The following FHL2 variants were observed in gnomAD, a reference collection of about 807,000 sequenced individuals.
The protein encoded by FHL2 is four and a half LIM domains protein 2.
Under a neutral mutation model 32.7 loss-of-function variants are expected in FHL2, and 20 were observed. The observed-to-expected ratio is 0.61, with a 90% CI of 0.43 to 0.89. FHL2 has a LOEUF of 0.89. Among genes scored for constraint, FHL2 ranks in the 40% least tolerant of loss-of-function variants. FHL2 has a pLI of 0.00. For missense variants in FHL2, 311 were observed against 358.6 expected, an observed-to-expected ratio of 0.87 and a Z score of 1.07; for synonymous variants, 123 against 128.1, an observed-to-expected ratio of 0.96 and a Z score of 0.27.
At chr2:105,378,911 G>C (rs1681673116) in intron 3 of FHL2, 1 of 152,194 alleles carries the variant, frequency 6.6e-6, no homozygotes, top group Non-Finnish European at 1.5e-5. Context: ...TGCAGTACAG[G>C]GTGGTGGGCT....
chr2:105,409,347 A>G (rs1339404110), intron 1 of FHL2, among the ~76,000 whole-genome samples: 3 of 152,158 alleles, frequency 2.0e-5, no homozygotes, highest in Non-Finnish European at 4.4e-5. Flanking sequence ...GAATCATTTT[A>G]GAGGAAGAAG....
rs548165695 is a variant in FHL2, at chr2:105,374,128, C to T, written c.157-395G>A. 3.1e-5 allele frequency: 9 copies of T among 291,638 alleles called. 1 individual carries two copies. The highest frequency in any genetic ancestry group is 2.0e-4 in the African/African-American group (9 of 45,906). The allele number at this position is 291,638 out of a possible 1,614,324, so 18.1% of individuals were successfully genotyped here. A position where few individuals can be genotyped will look rare whatever the true frequency, so the allele number is the denominator to read the frequency against. ...GCAGGACATCCTTGGCTGAGGGAGCCCTGCCCAACTCAGATCACTGTGGTC... is the reference window on the plus strand; with the variant it reads ...GCAGGACATCCTTGGCTGAGGGAGCTCTGCCCAACTCAGATCACTGTGGTC... On this transcript the variant is annotated intron_variant, in intron 3 of 6. Coordinates refer to ENST00000530340, the MANE Select transcript of FHL2 (RefSeq NM_001318895.3).
chr2:105,429,764 T>C (rs1029729630), intron 1 of FHL2, among the ~76,000 whole-genome samples: 3 of 152,210 alleles, frequency 2.0e-5, no homozygotes, highest in African/African-American at 7.2e-5. Flanking sequence ...CAGATACTTT[T>C]CTAGGTTTGT....
chr2:105,379,593 GC>G (rs1681731303), intron 3 of FHL2, among the ~76,000 whole-genome samples: 2 of 152,138 alleles, frequency 1.3e-5, no homozygotes, highest in Non-Finnish European at 2.9e-5. Context: ...CATTCCCACT[GC>G]CCTTCCACCT....
At chr2:105,433,271 C>A (rs1684491759) in intron 1 of FHL2, among the ~76,000 whole-genome samples, 1 of 151,224 alleles carries the variant, frequency 6.6e-6, no homozygotes, top group African/African-American at 2.4e-5. Flanking sequence ...ACCTCCACCT[C>A]TCAAGTTCAA....
intron 1 of FHL2, among the ~76,000 whole-genome samples, chr2:105,429,219 G>A (rs971489422): frequency 6.6e-6 from 1 of 152,200 alleles, no homozygotes. Flanking sequence ...TCAAGAAATC[G>A]GCTGGGAGTC....
At chr2:105,424,808 G>A (rs545699332) in intron 1 of FHL2, among the ~76,000 whole-genome samples, 20 of 152,302 alleles carry the variant, frequency 1.3e-4, no homozygotes, top group African/African-American at 3.6e-4. Context: ...ACTCATAAGT[G>A]GGAGTTGAAC....
intron 2 of FHL2, among the ~76,000 whole-genome samples, chr2:105,389,382 C>T (rs1329129353): frequency 6.6e-6 from 1 of 152,208 alleles, no homozygotes. Context: ...TCATTTATTT[C>T]ATCACAATTG....
chr2:105,397,021 T>G (rs538379634), intron 1 of FHL2: 2,756 of 233,850 alleles, frequency 0.012, 82 homozygotes, highest in African/African-American at 0.056. Context: ...TTTTTTTTTT[T>G]TTTTTTTTTT....
intron 1 of FHL2, among the ~76,000 whole-genome samples, chr2:105,437,893 A>T (rs1452787892): frequency 6.6e-6 from 1 of 152,210 alleles, no homozygotes. Flanking sequence ...TTGCATAAAC[A>T]CACTTTCCCA....
At chr2:105,369,696 C>A (rs986068193) in intron 4 of FHL2, among the ~76,000 whole-genome samples, 1 of 152,208 alleles carries the variant, frequency 6.6e-6, no homozygotes, top group African/African-American at 2.4e-5. Context: ...AACCTCCATG[C>A]ATACTTTTGT....
chr2:105,393,417 A>G (rs779076950), intron 2 of FHL2, among the ~76,000 whole-genome samples: 9 of 152,192 alleles, frequency 5.9e-5, no homozygotes, highest in Non-Finnish European at 8.8e-5. Flanking sequence ...GGGATATTCA[A>G]TTACTTATCA....
At chr2:105,423,023 T>A (rs987389479) in intron 1 of FHL2, among the ~76,000 whole-genome samples, 1 of 152,106 alleles carries the variant, frequency 6.6e-6, no homozygotes, top group Admixed American at 6.5e-5. Context: ...TCCCTCATAG[T>A]GGAAAGCAAG....
intron 4 of FHL2, among the ~76,000 whole-genome samples, chr2:105,370,091 A>G (rs1480958089): frequency 6.6e-6 from 1 of 152,168 alleles, no homozygotes; most frequent in Admixed American, 6.5e-5. Flanking sequence ...TAGTCAAATG[A>G]GGCTGGCTGC....
intron 4 of FHL2, among the ~76,000 whole-genome samples, chr2:105,370,022 C>G (rs1680914946): frequency 6.6e-6 from 1 of 152,210 alleles, no homozygotes. Flanking sequence ...CACTCTGAAC[C>G]AAGTCTCCCG....
At chr2:105,373,284 AT>A (rs1305614537) in intron 4 of FHL2, among the ~76,000 whole-genome samples, 11 of 152,214 alleles carry the variant, frequency 7.2e-5, no homozygotes, top group Admixed American at 6.5e-4. Flanking sequence ...CAGGAGATGT[AT>A]TTTTAAGGGG....
intron 1 of FHL2, among the ~76,000 whole-genome samples, chr2:105,424,899 A>G (rs192629820): frequency 6.6e-6 from 1 of 152,338 alleles, no homozygotes; most frequent in Admixed American, 6.5e-5. Context: ...GAGGGATAGC[A>G]TTAGGAGAAA....
intron 1 of FHL2, among the ~76,000 whole-genome samples, chr2:105,407,082 T>C (rs1314287135): frequency 1.3e-5 from 2 of 152,180 alleles, no homozygotes; most frequent in Non-Finnish European, 2.9e-5. Flanking sequence ...TTACTGAATT[T>C]AATTCAGTTT....
intron 2 of FHL2, 85 bp downstream of exon 2, chr2:105,396,562 C>A: frequency 8.0e-7 from 1 of 1,254,974 alleles, no homozygotes; most frequent in South Asian, 1.2e-5. Flanking sequence ...ATGGCCCAGT[C>A]AAGTTGACAC....
Sources: allele counts gnomAD v4.1 joint callset (sites outside exome capture counted in the v4.1 genomes callset), GRCh38; gene constraint gnomAD v4.1.1; transcripts MANE v1.5; gene names NCBI Gene and HGNC (gene_info 2026-07-23, HGNC 2026-07-21).